TMED3: variants seen among roughly 807,000 people sequenced by gnomAD.
TMED3 encodes the protein transmembrane emp24 domain-containing protein 3.
TMED3 carries 9 observed loss-of-function variants against 15.0 expected under a neutral mutation model. The ratio of observed to expected loss-of-function variants is 0.60; its 90% CI spans 0.36 to 1.04. The LOEUF is 1.04. TMED3 is among the 50% of genes least tolerant of loss of function. TMED3 has a pLI of 0.01. For missense variants in TMED3, 267 were observed against 278.9 expected (o/e 0.96, Z 0.30); for synonymous variants, 117 against 121.4 (o/e 0.96, Z 0.24).
At chr15:79,388,550 G>T (rs984407335) in intron 2 of TMED3, among the ~76,000 whole-genome samples, 1 of 152,034 alleles carries the variant, frequency 6.6e-6, no homozygotes, top group African/African-American at 2.4e-5. Flanking sequence ...AAATTGTTCT[G>T]CTATTAATAT....
chr15:79,411,583 C>T, exon 3 of TMED3: 2 of 689,238 alleles, frequency 2.9e-6, no homozygotes, highest in South Asian at 3.0e-5. Context: ...GAAGCTGCTG[C>T]ACAGAGCTAC....
intron 2 of TMED3, among the ~76,000 whole-genome samples, chr15:79,366,270 C>T (rs1030013459): frequency 8.5e-5 from 13 of 152,296 alleles, no homozygotes; most frequent in African/African-American, 1.4e-4. Context: ...ATAAAATCTC[C>T]GGGAAGCCTT....
intron 2 of TMED3, among the ~76,000 whole-genome samples, chr15:79,353,151 A>AT (rs2058900388): frequency 1.4e-5 from 1 of 70,496 alleles, no homozygotes; most frequent in African/African-American, 6.7e-5. Context: ...AAAATATATA[A>AT]AATATATATA....
chr15:79,365,068 C>G (rs1012381626), intron 2 of TMED3, among the ~76,000 whole-genome samples: 5 of 152,272 alleles, frequency 3.3e-5, no homozygotes, highest in African/African-American at 1.2e-4. Context: ...CATGCTCCCT[C>G]TCCCCTCAGG....
chr15:79,366,512 C>T (rs1459629150), intron 2 of TMED3, among the ~76,000 whole-genome samples: 2 of 152,228 alleles, frequency 1.3e-5, no homozygotes, highest in Non-Finnish European at 2.9e-5. Context: ...TAAGCTATTA[C>T]CTTCTTGCTA....
At chr15:79,354,526 G>C (rs555552970) in intron 2 of TMED3, among the ~76,000 whole-genome samples, 6 of 151,932 alleles carry the variant, frequency 3.9e-5, no homozygotes, top group African/African-American at 1.5e-4. Context: ...GCTGATAACA[G>C]GTTCTTAGCC....
intron 2 of TMED3, among the ~76,000 whole-genome samples, chr15:79,318,000 AGCTTCCACCTCCCCACAGCT>A (rs1303159552): frequency 2.0e-5 from 3 of 152,090 alleles, no homozygotes; most frequent in Non-Finnish European, 4.4e-5. Context: ...CTTTACTGTG[AGCTTCCACCTCCCCACAGCT>A]GCTTCTCCAC....
rs199728545 is a variant in TMED3 at position 79,376,092 on chromosome 15, G to GTTTTTT, written c.418-35278_418-35273dup. ...CTTACTTCATCTATTCTAGAGAAAGGTTTTTTTTTTTTTTTTTTTTTTTTT... is the reference window on the plus strand; with the variant it reads ...CTTACTTCATCTATTCTAGAGAAAGGTTTTTTTTTTTTTTTTTTTTTTTTTTTTTTT... On this transcript the variant is annotated intron_variant, in intron 2 of 2. Transcript: ENST00000424155. Among the ~76,000 whole-genome samples, 187 of 112,022 alleles carry GTTTTTT rather than the reference G, an allele frequency of 1.7e-3. 16 individuals are homozygous for GTTTTTT. The highest frequency in any genetic ancestry group is 5.6e-3 in the Middle Eastern group (1 of 178). 73.5% of individuals were successfully genotyped at this position (112,022 alleles called of 152,430 possible). A position where few individuals can be genotyped will look rare whatever the true frequency, so the allele number is the denominator to read the frequency against.
At chr15:79,380,134 C>T (rs749835770) in intron 2 of TMED3, among the ~76,000 whole-genome samples, 3 of 151,984 alleles carry the variant, frequency 2.0e-5, no homozygotes, top group Non-Finnish European at 4.4e-5. Flanking sequence ...GGCCGGATCA[C>T]GAGGTCAGGA....
intron 2 of TMED3, among the ~76,000 whole-genome samples, chr15:79,340,104 A>G (rs2058846298): frequency 6.6e-6 from 1 of 152,226 alleles, no homozygotes; most frequent in African/African-American, 2.4e-5. Flanking sequence ...ATACTGTTTA[A>G]AGTACTGTAT....
At chr15:79,351,282 C>G (rs2058890223) in intron 2 of TMED3, among the ~76,000 whole-genome samples, 1 of 152,192 alleles carries the variant, frequency 6.6e-6, no homozygotes, top group East Asian at 1.9e-4. Flanking sequence ...TGAACCAGAA[C>G]TGAATGATTT....
chr15:79,372,774 A>G (rs115848952), intron 2 of TMED3, among the ~76,000 whole-genome samples: 2,848 of 152,250 alleles, frequency 0.019, 93 homozygotes, highest in African/African-American at 0.065. Context: ...CAGCCAAACC[A>G]TATCACTCCC....
At chr15:79,371,214 G>A (rs1893332056) in intron 2 of TMED3, among the ~76,000 whole-genome samples, 3 of 152,136 alleles carry the variant, frequency 2.0e-5, no homozygotes, top group Admixed American at 2.0e-4. Context: ...TTTTAAAATT[G>A]AGGTCCCTAA....
intron 2 of TMED3, among the ~76,000 whole-genome samples, chr15:79,366,712 A>C (rs1893243571): frequency 6.6e-6 from 1 of 152,222 alleles, no homozygotes; most frequent in Admixed American, 6.5e-5. Context: ...CCTAAAGCTA[A>C]GCTCGTGGTG....
chr15:79,356,126 A>C (rs2141237680), intron 2 of TMED3, among the ~76,000 whole-genome samples: 1 of 152,300 alleles, frequency 6.6e-6, no homozygotes, highest in South Asian at 2.1e-4. Flanking sequence ...AGTACATGGA[A>C]GAGACTGCCT....
At chr15:79,395,116 T>C (rs895865099) in intron 2 of TMED3, among the ~76,000 whole-genome samples, 3 of 152,220 alleles carry the variant, frequency 2.0e-5, no homozygotes, top group African/African-American at 7.2e-5. Context: ...TAATATTTCC[T>C]GTTTTCGTTT....
Position 79,322,738 on chromosome 15 carries a change from A to G in TMED3, c.*524A>G. The G allele has an allele frequency of 1.0e-6, 1 of 985,758 alleles. No individual in the cohort carries two copies. Among genetic ancestry groups the G allele is most frequent in the Non-Finnish European group, 1.2e-6 (1 of 830,296 alleles). 61.1% of individuals were successfully genotyped at this position (985,758 alleles called of 1,614,324 possible). ...GGTGAGCAACAGTGTCAGCCATGCA[A>G]GCAGGACAGAATGGTGACTGGGTGC... On this transcript the variant is annotated 3_prime_UTR_variant, in exon 3 of 3. Transcript: ENST00000299705.
intron 2 of TMED3, among the ~76,000 whole-genome samples, chr15:79,373,719 C>A (rs566600222): frequency 6.6e-6 from 1 of 152,136 alleles, no homozygotes; most frequent in Non-Finnish European, 1.5e-5. Context: ...AACATGCACG[C>A]CAGGTAGTTG....
Position 79,408,300 on chromosome 15 carries a change from C to T in TMED3, c.418-3100C>T, listed in dbSNP as rs142681476. On this transcript the variant is annotated intron_variant, in intron 2 of 2. Transcript: ENST00000424155. Reference sequence around the variant, plus strand: ...CAGTTCCCTTTGCCAGGCTAGGTTGCACCTTCTGCTTCTGCCAGTCGCAGT... The same window carrying T: ...CAGTTCCCTTTGCCAGGCTAGGTTGTACCTTCTGCTTCTGCCAGTCGCAGT... Among the ~76,000 whole-genome samples the T allele has an allele frequency of 1.9e-4, 29 of 152,330 alleles. No homozygotes were observed. The East Asian group carries it at 5.6e-3, about 29-fold the overall frequency.
Sources: gnomAD v4.1 joint callset for allele counts (sites outside exome capture counted in the v4.1 genomes callset) on GRCh38, gnomAD v4.1.1 for gene constraint, MANE v1.5 for transcripts, NCBI Gene and HGNC (gene_info 2026-07-23, HGNC 2026-07-21) for gene names.